Variants in PRKG2 observed in about 807,000 individuals in gnomAD.
PRKG2 encodes protein kinase cGMP-dependent 2, also known as cGMP-dependent protein kinase 2.
In PRKG2, 33 loss-of-function variants were observed where a neutral mutation model predicts 97.2. The ratio of observed to expected loss-of-function variants is 0.34; its 90% CI spans 0.26 to 0.45. PRKG2 has a LOEUF of 0.45. PRKG2 is among the 20% of genes least tolerant of loss of function. PRKG2 has a pLI of 1.00. For missense variants in PRKG2, 638 were observed against 900.0 expected, an observed-to-expected ratio of 0.71 and a Z score of 3.73; for synonymous variants, 330 against 321.8, an observed-to-expected ratio of 1.03 and a Z score of -0.27.
chr4:81,179,360 A>G (rs1473418456), intron 2 of PRKG2, among the ~76,000 whole-genome samples: 1 of 152,218 alleles, frequency 6.6e-6, no homozygotes, highest in Non-Finnish European at 1.5e-5. Flanking sequence ...CAACAGAAAT[A>G]ACAGAAGCCA....
Position 81,161,778 on chromosome 4 carries a change from T to C in PRKG2, c.912+5383A>G, listed in dbSNP as rs1749608287. Among the ~76,000 whole-genome samples the C allele has an allele frequency of 2.6e-5, 4 of 152,156 alleles. No individual in the cohort carries two copies. The South Asian group carries it at 8.3e-4, about 31-fold the overall frequency. ...CTCTGACCCCAACCAGAAATAATTCTATGCTCATGCAACTATATTCAATAG... is the reference window on the plus strand; with the variant it reads ...CTCTGACCCCAACCAGAAATAATTCCATGCTCATGCAACTATATTCAATAG... On this transcript the variant is annotated intron_variant, in intron 6 of 18. Transcript: ENST00000264399.
intron 14 of PRKG2, among the ~76,000 whole-genome samples, chr4:81,134,734 C>G (rs1486144639): frequency 6.6e-6 from 1 of 151,956 alleles, no homozygotes; most frequent in Non-Finnish European, 1.5e-5. Context: ...TTCAAGAAAA[C>G]TACTAAAGTC....
chr4:81,134,494 C>A (rs573903423), intron 14 of PRKG2, among the ~76,000 whole-genome samples: 1 of 152,148 alleles, frequency 6.6e-6, no homozygotes, highest in African/African-American at 2.4e-5. Context: ...AGGCCCAAGG[C>A]GCCTTGCTTT....
chr4:81,158,791 T>C (rs1749343637), intron 6 of PRKG2, among the ~76,000 whole-genome samples: 1 of 151,882 alleles, frequency 6.6e-6, no homozygotes, highest in African/African-American at 2.4e-5. Flanking sequence ...AGAAATAACG[T>C]CACATATCTA....
At chr4:81,186,542 C>A (rs530010260) in intron 2 of PRKG2, among the ~76,000 whole-genome samples, 1 of 152,116 alleles carries the variant, frequency 6.6e-6, no homozygotes, top group East Asian at 1.9e-4. Flanking sequence ...AATTGACACC[C>A]TAACATCACA....
chr4:81,162,746 G>C (rs1433038626), intron 6 of PRKG2, among the ~76,000 whole-genome samples: 1 of 152,112 alleles, frequency 6.6e-6, no homozygotes. Flanking sequence ...GGATGATCCT[G>C]ATCCCCCACA....
chr4:81,182,819 C>G (rs908827621), intron 2 of PRKG2, among the ~76,000 whole-genome samples: 1 of 151,766 alleles, frequency 6.6e-6, no homozygotes, highest in African/African-American at 2.4e-5. Flanking sequence ...AGGATTATAT[C>G]TAACAAAGAT....
chr4:81,116,206 T>C (rs1466894667), intron 14 of PRKG2, among the ~76,000 whole-genome samples: 1 of 152,064 alleles, frequency 6.6e-6, no homozygotes, highest in East Asian at 1.9e-4. Flanking sequence ...CTCAAGTAGG[T>C]CCTGGTGCCT....
intron 6 of PRKG2, among the ~76,000 whole-genome samples, chr4:81,158,609 T>G (rs1242915920): frequency 2.6e-5 from 4 of 151,982 alleles, no homozygotes; most frequent in Non-Finnish European, 4.4e-5. Context: ...TTAAACTTCA[T>G]ATGGAACCAA....
intron 6 of PRKG2, among the ~76,000 whole-genome samples, chr4:81,164,746 G>A (rs1349292991): frequency 6.6e-6 from 1 of 152,056 alleles, no homozygotes; most frequent in East Asian, 1.9e-4. Flanking sequence ...AAGGGCAAAG[G>A]TGCTCCACAC....
chr4:81,198,016 C>G (rs1325410064), intron 2 of PRKG2, among the ~76,000 whole-genome samples: 4 of 152,134 alleles, frequency 2.6e-5, no homozygotes, highest in Admixed American at 2.6e-4. Context: ...TTGTGCATCC[C>G]CTTAGGAATG....
intron 14 of PRKG2, among the ~76,000 whole-genome samples, chr4:81,133,804 T>A (rs7690970): frequency 0.04 from 6,025 of 151,742 alleles, 436 homozygotes; most frequent in African/African-American, 0.14. Context: ...ATGTTTTTTT[T>A]AAAAAAAAGC....
intron 7 of PRKG2, among the ~76,000 whole-genome samples, chr4:81,152,316 G>A (rs1219625843): frequency 6.6e-6 from 1 of 152,140 alleles, no homozygotes; most frequent in East Asian, 1.9e-4. Context: ...ACCTCCTAAA[G>A]TTAAATTTTA....
At chr4:81,163,557 A>G (rs1199322410) in intron 6 of PRKG2, among the ~76,000 whole-genome samples, 2 of 152,172 alleles carry the variant, frequency 1.3e-5, no homozygotes, top group Non-Finnish European at 1.5e-5. Context: ...GATTTTTTAA[A>G]TGTTCCTCTA....
chr4:81,171,655 A>G (rs763607335), intron 4 of PRKG2, 36 bp downstream of exon 4: 6 of 1,506,304 alleles, frequency 4.0e-6, no homozygotes, highest in Admixed American at 1.8e-5. Context: ...AACATGCCAC[A>G]ACAATTCAAA....
chr4:81,172,061 T>G (rs1750527409), intron 3 of PRKG2, among the ~76,000 whole-genome samples: 1 of 151,714 alleles, frequency 6.6e-6, no homozygotes, highest in Non-Finnish European at 1.5e-5. Context: ...TAATTATTAT[T>G]ATTATTTTAC....
chr4:81,190,658 G>A (rs6810829), intron 2 of PRKG2, among the ~76,000 whole-genome samples: 12,126 of 152,104 alleles, frequency 0.08, 1,145 homozygotes, highest in African/African-American at 0.23. Flanking sequence ...GCAACCTACA[G>A]AATGGGAGAA....
intron 8 of PRKG2, among the ~76,000 whole-genome samples, chr4:81,151,560 G>A (rs1748402628): frequency 6.6e-6 from 1 of 151,910 alleles, no homozygotes; most frequent in Non-Finnish European, 1.5e-5. Flanking sequence ...TTGACCTGAT[G>A]ATTTAAAAGC....
chr4:81,204,019 C>T (rs1200653651), intron 2 of PRKG2, among the ~76,000 whole-genome samples: 3 of 152,128 alleles, frequency 2.0e-5, no homozygotes, highest in African/African-American at 7.2e-5. Context: ...TTACACATTG[C>T]TGACTTGTTT....
Sources: allele counts gnomAD v4.1 joint callset (sites outside exome capture counted in the v4.1 genomes callset), GRCh38; gene constraint gnomAD v4.1.1; transcripts MANE v1.5; gene names NCBI Gene and HGNC (gene_info 2026-07-23, HGNC 2026-07-21).